Variants in ODAD4 observed in about 807,000 individuals in gnomAD.
The protein encoded by ODAD4 is outer dynein arm docking complex subunit 4.
A neutral mutation model predicts 51.8 loss-of-function variants in ODAD4; 49 were observed. The observed-to-expected ratio is 0.95, with a 90% CI of 0.75 to 1.20. The LOEUF (loss-of-function observed/expected upper bound fraction) is 1.20, where lower values mean the gene tolerates loss of function less well. ODAD4 is among the 50% of genes most tolerant of loss of function. The pLI is 0.00. For synonymous variants in ODAD4, 235 were observed against 221.3 expected, an observed-to-expected ratio of 1.06 and a Z score of -0.55; for missense variants, 590 against 586.5, an observed-to-expected ratio of 1.01 and a Z score of -0.06.
chr17:41,938,616 A>G lies in ODAD4; in HGVS notation c.685A>G (p.Ile229Val). 3.7e-6 allele frequency: 6 copies of G among 1,613,998 alleles called. No homozygotes were observed. Among genetic ancestry groups the G allele is most frequent in the Non-Finnish European group, 5.1e-6 (6 of 1,179,888 alleles). The change falls in exon 6 of 12, where the codon ATC becomes GTC. Residue 229 changes from isoleucine to valine, a missense_variant. By Grantham distance (29) the Ile-to-Val change is conservative. Transcript: ENST00000377540. ...LTVEDLIMTGINYLDTHSNFW... is the reference protein window; with the variant it reads ...LTVEDLIMTGVNYLDTHSNFW... ...TGTGGAGGACCTCATCATGACGGGC[A>G]TCAACTACCTGGATACTCACAGCAA...
intron 9 of ODAD4, among the ~76,000 whole-genome samples, chr17:41,949,659 CT>C (rs1293813712): frequency 6.6e-6 from 1 of 151,472 alleles, no homozygotes; most frequent in African/African-American, 2.4e-5. Flanking sequence ...TGCCTTGGTA[CT>C]TTTTTTTTGT....
chr17:41,934,030 C>CT (rs2050388662), intron 1 of ODAD4, among the ~76,000 whole-genome samples: 5 of 68,106 alleles, frequency 7.3e-5, no homozygotes, highest in Admixed American at 1.9e-4. Flanking sequence ...TTTCTTTTTT[C>CT]TTTCTTTCTT....
At chr17:41,938,066 A>G (rs1555638096) in intron 5 of ODAD4, among the ~76,000 whole-genome samples, 2 of 152,212 alleles carry the variant, frequency 1.3e-5, no homozygotes, top group African/African-American at 4.8e-5. Context: ...GGTGGCTTGA[A>G]TATTACCTCA....
rs1318743680 is a variant in ODAD4, at chr17:41,933,995, G to GTTTTTCATT, written c.115-1218_115-1210dup. 5.1e-5 allele frequency among the ~76,000 whole-genome samples: 6 copies of GTTTTTCATT among 116,576 alleles called. No individual in the cohort carries two copies. The East Asian group carries it at 1.5e-3, about 29-fold the overall frequency. The allele number at this position is 116,576 out of a possible 152,430, so 76.5% of individuals were successfully genotyped here. A position where few individuals can be genotyped will look rare whatever the true frequency, so the allele number is the denominator to read the frequency against. ...ATTTTCTTTTTTTTTTTTCTTTCTT[G>GTTTTTCATT]TTTTTCATTTTTCTTTTCCCTTTCT... On this transcript the variant is annotated intron_variant, in intron 1 of 11. Transcript: ENST00000377540.
intron 8 of ODAD4, among the ~76,000 whole-genome samples, chr17:41,947,269 C>T (rs1267279233): frequency 7.0e-6 from 1 of 143,036 alleles, no homozygotes; most frequent in Non-Finnish European, 1.5e-5. Context: ...GTCAGGAGTT[C>T]GAGACCAGCC....
chr17:41,943,470 T>G (rs1410652188), intron 7 of ODAD4, among the ~76,000 whole-genome samples: 5 of 152,164 alleles, frequency 3.3e-5, no homozygotes, highest in African/African-American at 4.8e-5. Context: ...GGATTATCAT[T>G]AGTTCTTATA....
At chr17:41,930,916 G>T (rs2050323892) in intron 1 of ODAD4, 79 bp downstream of exon 1, 1 of 569,684 alleles carries the variant, frequency 1.8e-6, no homozygotes, top group Non-Finnish European at 2.5e-6. Flanking sequence ...TTTTTGTGAC[G>T]GAGTTTCGCT....
At chr17:41,951,438 CTTTATTTA>C (rs1348240205) in intron 9 of ODAD4, among the ~76,000 whole-genome samples, 1 of 150,906 alleles carries the variant, frequency 6.6e-6, no homozygotes, top group Non-Finnish European at 1.5e-5. Flanking sequence ...AGCCGGTGAA[CTTTATTTA>C]TTTATTTTTT....
chr17:41,944,659 C>T (rs35497487), intron 7 of ODAD4, among the ~76,000 whole-genome samples: 27,678 of 151,572 alleles, frequency 0.18, 2,691 homozygotes, highest in African/African-American at 0.21. Context: ...GGTGTGGTGG[C>T]GGGCACCTGT....
At chr17:41,949,839 A>AT (rs2050630839) in intron 9 of ODAD4, among the ~76,000 whole-genome samples, 2 of 150,006 alleles carry the variant, frequency 1.3e-5, no homozygotes, top group Non-Finnish European at 3.0e-5. Flanking sequence ...CACCTGGCTA[A>AT]TTTTTTGTGT....
chr17:41,964,911 G>A, intron 11 of ODAD4, 82 bp from the exon 12 acceptor site: 1 of 619,248 alleles, frequency 1.6e-6, no homozygotes, highest in Non-Finnish European at 2.9e-6. Context: ...CCAAAGTGCT[G>A]AGATTACAGG....
chr17:41,955,057 T>C, intron 9 of ODAD4, 160 bp from the exon 10 acceptor site: 1 of 713,826 alleles, frequency 1.4e-6, no homozygotes, highest in South Asian at 1.4e-5. Context: ...GAAAGGATGG[T>C]GCTGAGCAGC....
chr17:41,949,205 T>C lies in ODAD4; in HGVS notation c.1198T>C (p.Phe400Leu), dbSNP rs1733859597. The change falls in exon 9 of 12, where the codon TTC (phenylalanine) becomes CTC (leucine). Residue 400 changes from phenylalanine (F) to leucine (L), a missense_variant. Transcript: ENST00000377540. ...AACCACCCTGGAGAAGACCTGGCTG[T>C]TCCACGAGATCGGCCGCTGCTACTT... The part of the protein sequence containing the change: ...AKTTLEKTWL[F>L]HEIGRCYLEL... 2.5e-6 allele frequency: 1 copy of C among 398,456 alleles called. No individual in the cohort carries two copies. Among genetic ancestry groups the C allele is most frequent in the Non-Finnish European group, 4.4e-6 (1 of 226,104 alleles). The allele number at this position is 398,456 out of a possible 1,614,324, so 24.7% of individuals were successfully genotyped here.
At chr17:41,937,527 G>A (rs1285405452) in intron 5 of ODAD4, among the ~76,000 whole-genome samples, 1 of 152,180 alleles carries the variant, frequency 6.6e-6, no homozygotes, top group Non-Finnish European at 1.5e-5. Flanking sequence ...CTGGAGTGCA[G>A]TGAAGCAAAT....
chr17:41,930,876 C>A, intron 1 of ODAD4, 39 bp downstream of exon 1: 1 of 522,080 alleles, frequency 1.9e-6, no homozygotes, highest in East Asian at 4.2e-5. Flanking sequence ...CCCCATCACC[C>A]GTCACTTTTT....
intron 11 of ODAD4, among the ~76,000 whole-genome samples, chr17:41,963,245 C>T (rs2050829087): frequency 6.6e-6 from 1 of 152,036 alleles, no homozygotes; most frequent in East Asian, 1.9e-4. Flanking sequence ...CTAGTGGTTT[C>T]CAGGAGGAGA....
chr17:41,932,726 C>CT (rs10712306), intron 1 of ODAD4, among the ~76,000 whole-genome samples: 1,577 of 112,006 alleles, frequency 0.014, 39 homozygotes, highest in African/African-American at 0.047. Context: ...TTCTTTTCTT[C>CT]TTTTTTTTTT....
chr17:41,949,201 G>A lies in ODAD4; in HGVS notation c.1194G>A (p.Trp398Ter), dbSNP rs1291810790. The change falls in exon 9 of 12, where the codon TGG becomes TGA. Residue 398 changes from tryptophan (W) to a stop codon, truncating the protein, a stop_gained. Coordinates refer to ENST00000377540, the MANE Select transcript of ODAD4 (RefSeq NM_031421.5). LOFTEE classifies it high-confidence loss of function. ...CAAAAACCACCCTGGAGAAGACCTG[G>A]CTGTTCCACGAGATCGGCCGCTGCT... Reference protein sequence around the residue: ...PLAKTTLEKTWLFHEIGRCYL... With the variant: ...PLAKTTLEKT 8 of 398,474 alleles carry A rather than the reference G, an allele frequency of 2.0e-5. No individual in the cohort carries two copies. Among genetic ancestry groups the A allele is most frequent in the African/African-American group, 1.6e-4 (8 of 48,602 alleles). The allele number at this position is 398,474 out of a possible 1,614,324, so 24.7% of individuals were successfully genotyped here.
In ODAD4 at chr17:41,930,730, G is replaced by C; in HGVS notation, c.7G>C (p.Asp3His). 6.2e-7 allele frequency: 1 copy of C among 1,607,532 alleles called. No homozygotes were observed. The highest frequency in any genetic ancestry group is 8.5e-7 in the Non-Finnish European group (1 of 1,176,126). Reference sequence around the variant, plus strand: ...GTCTCTAAATCCGGTCACCATGTCGGACCCCGAAGGCGAGACCTTGCGAAG... The same window carrying C: ...GTCTCTAAATCCGGTCACCATGTCGCACCCCGAAGGCGAGACCTTGCGAAG... MS[D>H]PEGETLRSTF... The change falls in exon 1 of 12, where the codon GAC (aspartate) becomes CAC (histidine). Residue 3 changes from aspartate to histidine, a missense_variant. Asp to His is a moderately conservative substitution (Grantham distance 81). Coordinates refer to ENST00000377540, the MANE Select transcript of ODAD4 (RefSeq NM_031421.5).
Sources: allele counts gnomAD v4.1 joint callset (sites outside exome capture counted in the v4.1 genomes callset), GRCh38; gene constraint gnomAD v4.1.1; transcripts MANE v1.5; gene names NCBI Gene and HGNC (gene_info 2026-07-23, HGNC 2026-07-21).